Variants in ARID3A observed in about 807,000 individuals in gnomAD.
The protein encoded by ARID3A is AT-rich interactive domain-containing protein 3A.
In ARID3A, 11 loss-of-function variants were observed where a neutral mutation model predicts 52.7. The ratio of observed to expected loss-of-function variants is 0.21; its 90% CI spans 0.13 to 0.35. The LOEUF is 0.35. ARID3A is among the 10% of genes least tolerant of loss of function. ARID3A has a pLI of 1.00. For synonymous variants in ARID3A, 404 were observed against 359.4 expected (o/e 1.12, Z -1.40); for missense variants, 721 against 838.5 (o/e 0.86, Z 1.73).
At chr19:948,479 G>C (rs1015906025) in intron 3 of ARID3A, among the ~76,000 whole-genome samples, 2 of 152,048 alleles carry the variant, frequency 1.3e-5, no homozygotes, top group Non-Finnish European at 2.9e-5. Flanking sequence ...TGATGGCTTC[G>C]GCCCCACCCC....
chr19:959,310 G>C lies in ARID3A; in HGVS notation c.694-782G>C, dbSNP rs2037991134. 6.6e-6 allele frequency among the ~76,000 whole-genome samples: 1 copy of C among 152,182 alleles called. No individual in the cohort carries two copies. The highest frequency in any genetic ancestry group is 6.5e-5 in the Admixed American group (1 of 15,272). On this transcript the variant is annotated intron_variant, in intron 3 of 8. Transcript: ENST00000263620. This position sits in a 1 kb window ranked among gnomAD's most constrained non-coding sequence, Gnocchi z 5.0. ...GTTTTTAGAGACAGGGTTGCGTTCT[G>C]TCGCCCAGGCTGGAGTGCAGTGGTG...
chr19:953,738 C>T (rs1386608319), intron 3 of ARID3A, among the ~76,000 whole-genome samples: 1 of 151,970 alleles, frequency 6.6e-6, no homozygotes, highest in African/African-American at 2.4e-5. Flanking sequence ...GAAGGAACAG[C>T]GCCGCGGAGG....
At position 975,899 on chromosome 19, in the gene ARID3A, T is replaced by G. The variant is rs374556230; in HGVS notation, c.*3834T>G. The stretch of plus-strand genomic sequence containing the variant: ...TTGTAACCCTGTAAAGCTGATGAGA[T>G]ATTAAAACGAGACAAAACACTTCTG... On this transcript the variant is annotated 3_prime_UTR_variant, in exon 9 of 9. Coordinates refer to ENST00000263620, the MANE Select transcript of ARID3A (RefSeq NM_005224.3). 1 of 181,350 alleles carries G rather than the reference T, an allele frequency of 5.5e-6. No individual in the cohort carries two copies. The highest frequency in any genetic ancestry group is 9.0e-5 in the East Asian group (1 of 11,074). The allele number at this position is 181,350 out of a possible 1,614,324, so 11.2% of individuals were successfully genotyped here. A position where few individuals can be genotyped will look rare whatever the true frequency, so the allele number is the denominator to read the frequency against.
In ARID3A at chr19:942,342, G is replaced by A. The variant is rs2145389239; in HGVS notation, c.693+9600G>A. On this transcript the variant is annotated intron_variant, in intron 3 of 8. Coordinates refer to ENST00000263620, the MANE Select transcript of ARID3A (RefSeq NM_005224.3). This position sits in a 1 kb window ranked among gnomAD's most constrained non-coding sequence, Gnocchi z 8.1. ...ACATGGCCCCCGCAGCTGCCCGGCGGTGGCACCCAGGGGCGTCACCCACGA... is the reference window on the plus strand; with the variant it reads ...ACATGGCCCCCGCAGCTGCCCGGCGATGGCACCCAGGGGCGTCACCCACGA... Among the ~76,000 whole-genome samples the A allele has an allele frequency of 6.6e-6, 1 of 152,324 alleles. No homozygotes were observed. The highest frequency in any genetic ancestry group is 1.5e-5 in the Non-Finnish European group (1 of 68,012).
chr19:965,307 C>G, intron 6 of ARID3A: 6 of 560,570 alleles, frequency 1.1e-5, no homozygotes, highest in Non-Finnish European at 3.1e-6. Context: ...GCTAATCAAT[C>G]TGTGTTTCCA....
At chr19:940,018 G>A (rs907967114) in intron 3 of ARID3A, among the ~76,000 whole-genome samples, 6 of 152,106 alleles carry the variant, frequency 3.9e-5, no homozygotes, top group Non-Finnish European at 8.8e-5. Flanking sequence ...GCGCTGCTGG[G>A]CTTCCCCACA....
chr19:949,961 G>A (rs946201652), intron 3 of ARID3A, among the ~76,000 whole-genome samples: 2 of 152,140 alleles, frequency 1.3e-5, no homozygotes, highest in Non-Finnish European at 2.9e-5. Flanking sequence ...GTGAGTCACC[G>A]CATCTGGGCT....
chr19:931,370 T>C (rs2037322312), intron 2 of ARID3A, among the ~76,000 whole-genome samples: 1 of 148,560 alleles, frequency 6.7e-6, no homozygotes, highest in Non-Finnish European at 1.5e-5. Flanking sequence ...GAGAATCGCT[T>C]GAACCTGGGA....
chr19:926,944 T>A (rs1172597960), intron 1 of ARID3A, among the ~76,000 whole-genome samples: 1 of 151,656 alleles, frequency 6.6e-6, no homozygotes, highest in Non-Finnish European at 1.5e-5. Flanking sequence ...CCAGGGTTTC[T>A]GTCTTCTTAT....
chr19:932,147 C>T (rs1299333693), intron 2 of ARID3A, among the ~76,000 whole-genome samples: 9 of 152,010 alleles, frequency 5.9e-5, no homozygotes, highest in Non-Finnish European at 1.2e-4. Flanking sequence ...TATAGGTGTG[C>T]GCCACCGTGG....
intron 4 of ARID3A, among the ~76,000 whole-genome samples, chr19:962,663 C>T (rs1485013496): frequency 4.6e-5 from 7 of 151,968 alleles, no homozygotes; most frequent in Middle Eastern, 3.4e-3. Context: ...TACAGGCGCC[C>T]GCCACCACGC....
In ARID3A at chr19:960,924, G is replaced by A. The variant is rs917095394; in HGVS notation, c.766+760G>A. ...CAGACTCAGACGACCAAGGGTAGCC[G>A]GGGTGTCCCAGCGGCCATTCCCAGG... On this transcript the variant is annotated intron_variant, in intron 4 of 8. Coordinates refer to ENST00000263620, the MANE Select transcript of ARID3A (RefSeq NM_005224.3). The surrounding 1 kb of genome is among the most constrained non-coding windows in gnomAD (Gnocchi z 4.3). Among the ~76,000 whole-genome samples the A allele has an allele frequency of 6.6e-6, 1 of 152,164 alleles. No homozygotes were observed. The highest frequency in any genetic ancestry group is 2.4e-5 in the African/African-American group (1 of 41,430).
intron 3 of ARID3A, among the ~76,000 whole-genome samples, chr19:955,468 T>C (rs1302084142): frequency 6.6e-6 from 1 of 152,174 alleles, no homozygotes; most frequent in Non-Finnish European, 1.5e-5. Context: ...ACCGGCCCAG[T>C]TCGCCCACCA....
At chr19:952,465 A>AAAG (rs2037821311) in intron 3 of ARID3A, among the ~76,000 whole-genome samples, 1 of 148,928 alleles carries the variant, frequency 6.7e-6, no homozygotes, top group Admixed American at 6.9e-5. Flanking sequence ...AAAAAAAAAA[A>AAAG]AAGGAAAGAA....
Position 947,903 on chromosome 19 carries a change from G to T in ARID3A, c.694-12189G>T, listed in dbSNP as rs750235931. Reference sequence around the variant, plus strand: ...GCTCTCAGCATCTGCATCCGCCGAGGCCTGGCTGTGCTGACGGGAATTGAA... The same window carrying T: ...GCTCTCAGCATCTGCATCCGCCGAGTCCTGGCTGTGCTGACGGGAATTGAA... On this transcript the variant is annotated intron_variant, in intron 3 of 8. Coordinates refer to ENST00000263620, the MANE Select transcript of ARID3A (RefSeq NM_005224.3). The surrounding 1 kb of genome is among the most constrained non-coding windows in gnomAD (Gnocchi z 6.3). Among the ~76,000 whole-genome samples the T allele has an allele frequency of 5.9e-5, 9 of 152,174 alleles. No individual in the cohort carries two copies. The highest frequency in any genetic ancestry group is 8.8e-5 in the Non-Finnish European group (6 of 68,036).
Position 955,133 on chromosome 19 carries a change from C to T in ARID3A, c.694-4959C>T, listed in dbSNP as rs565082462. ...AGGCCTGGGTTTGCCATGGGGTGTG[C>T]TGTGGCCCAGCAGTTCAACCCGGGA... On this transcript the variant is annotated intron_variant, in intron 3 of 8. Transcript: ENST00000263620. Among the ~76,000 whole-genome samples, 7 of 152,266 alleles carry T rather than the reference C, an allele frequency of 4.6e-5. 1 individual carries two copies. The South Asian group carries it at 1.2e-3, about 27-fold the overall frequency.
In ARID3A at chr19:929,965, G is replaced by A. The variant is rs569412400; in HGVS notation, c.368+69G>A. 4,124 of 1,525,830 alleles carry A rather than the reference G, an allele frequency of 2.7e-3. 1 individual carries two copies. The highest frequency in any genetic ancestry group is 3.4e-3 in the Non-Finnish European group (3,856 of 1,140,678). 94.5% of individuals were successfully genotyped at this position (1,525,830 alleles called of 1,614,324 possible). ...GCTCTGAGTGTCACTCTGCTCATCTGCAGAATGGGAGTAAGGGTCAGGTCG... is the reference window on the plus strand; with the variant it reads ...GCTCTGAGTGTCACTCTGCTCATCTACAGAATGGGAGTAAGGGTCAGGTCG... On this transcript the variant is annotated intron_variant, in intron 2 of 8. Coordinates refer to ENST00000263620, the MANE Select transcript of ARID3A (RefSeq NM_005224.3). This position sits in a 1 kb window ranked among gnomAD's most constrained non-coding sequence, Gnocchi z 6.2.
chr19:968,562 A>G (rs2038212474), intron 8 of ARID3A, 59 bp downstream of exon 8: 6 of 1,538,716 alleles, frequency 3.9e-6, no homozygotes, highest in Non-Finnish European at 3.6e-6. Flanking sequence ...CCGTGAACTC[A>G]GGACCCTGAG....
intron 1 of ARID3A, among the ~76,000 whole-genome samples, chr19:927,566 G>C (rs1029343919): frequency 6.6e-6 from 1 of 151,910 alleles, no homozygotes; most frequent in Middle Eastern, 3.2e-3. Context: ...CCCCAAAGAG[G>C]GGGGGCTTTG....
Sources: gnomAD v4.1 joint callset for allele counts (sites outside exome capture counted in the v4.1 genomes callset) on GRCh38, gnomAD v4.1.1 for gene constraint, Gnocchi (gnomAD v3.1) non-coding constraint, MANE v1.5 for transcripts, NCBI Gene and HGNC (gene_info 2026-07-23, HGNC 2026-07-21) for gene names.